The following GRID1 variants were observed in gnomAD, a reference collection of about 807,000 sequenced individuals.
The protein encoded by GRID1 is glutamate ionotropic receptor delta type subunit 1.
In GRID1, 28 loss-of-function variants were observed where a neutral mutation model predicts 98.0. The ratio of observed to expected loss-of-function variants is 0.29; its 90% CI spans 0.21 to 0.39. The LOEUF (loss-of-function observed/expected upper bound fraction) is 0.39. GRID1 is among the 10% of genes least tolerant of loss of function. The pLI is 1.00. For missense variants in GRID1, 1,111 were observed against 1,340.5 expected (o/e 0.83, Z 2.67); for synonymous variants, 553 against 538.5 (o/e 1.03, Z -0.37).
intron 13 of GRID1, among the ~76,000 whole-genome samples, chr10:85,644,781 C>A (rs1018170526): frequency 2.0e-5 from 3 of 152,158 alleles, no homozygotes; most frequent in East Asian, 3.8e-4. Flanking sequence ...CTGAGCACAC[C>A]CCCATCAGCA....
At chr10:85,736,115 A>T (rs1841880046) in intron 8 of GRID1, among the ~76,000 whole-genome samples, 1 of 135,024 alleles carries the variant, frequency 7.4e-6, no homozygotes, top group Non-Finnish European at 1.6e-5. Context: ...GGAAGGAACG[A>T]AGGAGGGAGG....
intron 12 of GRID1, among the ~76,000 whole-genome samples, chr10:85,651,365 C>T (rs893407896): frequency 1.3e-5 from 2 of 152,154 alleles, no homozygotes; most frequent in African/African-American, 2.4e-5. Context: ...ATGGGCAAGC[C>T]GCATGTCTAA....
intron 5 of GRID1, among the ~76,000 whole-genome samples, chr10:85,891,886 TATCCTCAATCA>T (rs943704647): frequency 9.9e-5 from 15 of 152,058 alleles, no homozygotes; most frequent in Non-Finnish European, 1.0e-4. Context: ...GATATGTCAA[TATCCTCAATCA>T]ATCCTCAATC....
At chr10:86,017,481 G>A (rs377233437) in intron 4 of GRID1, among the ~76,000 whole-genome samples, 51 of 152,294 alleles carry the variant, frequency 3.3e-4, no homozygotes, top group African/African-American at 1.1e-3. Context: ...ACAGAACTAC[G>A]CACCAGGCTG....
chr10:85,732,714 A>G (rs1250929325), intron 8 of GRID1, among the ~76,000 whole-genome samples: 2 of 152,156 alleles, frequency 1.3e-5, no homozygotes, highest in Non-Finnish European at 2.9e-5. Flanking sequence ...TACAACAAAT[A>G]AACTCAAATA....
At chr10:86,033,488 G>A (rs1385648283) in intron 4 of GRID1, among the ~76,000 whole-genome samples, 1 of 151,986 alleles carries the variant, frequency 6.6e-6, no homozygotes, top group Non-Finnish European at 1.5e-5. Context: ...GATAAGAAGT[G>A]GACTTCACTT....
chr10:85,875,147 G>A (rs1843316494), intron 5 of GRID1, among the ~76,000 whole-genome samples: 1 of 152,110 alleles, frequency 6.6e-6, no homozygotes, highest in Non-Finnish European at 1.5e-5. Flanking sequence ...CAAAGTGCTG[G>A]GATTACAGGT....
At chr10:85,722,981 G>T (rs969114431) in intron 12 of GRID1, 22 bp downstream of exon 12, 1 of 1,598,326 alleles carries the variant, frequency 6.3e-7, no homozygotes, top group South Asian at 1.1e-5. Flanking sequence ...GCTGGCTCCA[G>T]ATCAAGGAGG....
rs116508901 is a variant in GRID1, at chr10:85,643,171, A to G, written c.2193+4031T>C. ...ACTACCAAACACTCCCTGAAAATGG[A>G]GCTGAGTCATCAAGGAGCAACTGAA... On this transcript the variant is annotated intron_variant, in intron 13 of 15. Coordinates refer to ENST00000327946, the MANE Select transcript of GRID1 (RefSeq NM_017551.3). Among the ~76,000 whole-genome samples, 877 of 152,262 alleles carry G rather than the reference A, an allele frequency of 5.8e-3. 5 individuals are homozygous for G. Among genetic ancestry groups the G allele is most frequent in the African/African-American group, 0.02 (824 of 41,548 alleles).
Position 85,703,764 on chromosome 10 carries a change from A to G in GRID1, c.1997+19239T>C, listed in dbSNP as rs955339007. 3.2e-4 allele frequency among the ~76,000 whole-genome samples: 48 copies of G among 152,116 alleles called. 1 individual carries two copies. Among genetic ancestry groups the G allele is most frequent in the Non-Finnish European group, 2.9e-5 (2 of 67,984 alleles). On this transcript the variant is annotated intron_variant, in intron 12 of 15. Coordinates refer to ENST00000327946, the MANE Select transcript of GRID1 (RefSeq NM_017551.3). ...AATTTGAAATGCACAAGTGGACATG[A>G]GAAAAATAAAATCATATATTTATAT...
At chr10:85,865,946 C>A (rs11201817) in intron 6 of GRID1, among the ~76,000 whole-genome samples, 5 of 75,346 alleles carry the variant, frequency 6.6e-5, no homozygotes, top group South Asian at 5.4e-4. Flanking sequence ...TATATATACA[C>A]ATATATATGG....
chr10:86,174,973 A>AT (rs1193516034), intron 3 of GRID1, among the ~76,000 whole-genome samples: 4 of 152,164 alleles, frequency 2.6e-5, no homozygotes, highest in Non-Finnish European at 4.4e-5. Flanking sequence ...AATGGCAATC[A>AT]TTAAAAAGTC....
At chr10:86,247,197 G>C (rs992146116) in intron 2 of GRID1, among the ~76,000 whole-genome samples, 1 of 151,936 alleles carries the variant, frequency 6.6e-6, no homozygotes, top group Admixed American at 6.6e-5. Flanking sequence ...GAGTGGATGG[G>C]TGGGTAGATG....
At chr10:85,905,068 C>T (rs973304185) in intron 5 of GRID1, among the ~76,000 whole-genome samples, 2 of 151,474 alleles carry the variant, frequency 1.3e-5, no homozygotes, top group African/African-American at 4.9e-5. Context: ...GAAAACCATG[C>T]CAAGGTACAT....
At position 85,907,124 on chromosome 10, in the gene GRID1, G is replaced by GT. The variant is rs1442081268; in HGVS notation, c.780+9061dup. ...TAAGTTTTTTTGTTTGTTTTGTTTT[G>GT]TTTTTTTGAGACAGTCTCACTCTGT... On this transcript the variant is annotated intron_variant, in intron 5 of 15. Coordinates refer to ENST00000327946, the MANE Select transcript of GRID1 (RefSeq NM_017551.3). Among the ~76,000 whole-genome samples, 11 of 152,110 alleles carry GT rather than the reference G, an allele frequency of 7.2e-5. No individual in the cohort carries two copies. The South Asian group carries it at 1.5e-3, about 20-fold the overall frequency.
Position 85,856,105 on chromosome 10 carries a change from A to ACGC in GRID1, c.1036_1037insGCG (p.Met346delinsSerVal). The ACGC allele has an allele frequency of 1.9e-6, 3 of 1,614,154 alleles. No individual in the cohort carries two copies. The highest frequency in any genetic ancestry group is 2.5e-6 in the Non-Finnish European group (3 of 1,179,976). ...TTTCCGTATGCAGTTGAGGCTCGCC[A>ACGC]TGCTATGCCACTTCCGGTCCTCCAG... is the stretch of plus-strand genomic sequence containing the variant. On this transcript the variant is annotated protein_altering_variant, in exon 7 of 16. Coordinates refer to ENST00000327946, the MANE Select transcript of GRID1 (RefSeq NM_017551.3).
At chr10:86,223,638 C>G (rs932706494) in intron 2 of GRID1, among the ~76,000 whole-genome samples, 9 of 152,250 alleles carry the variant, frequency 5.9e-5, no homozygotes, top group African/African-American at 2.2e-4. Context: ...CTGTCTCCAA[C>G]AAGGGCAGCT....
intron 2 of GRID1, among the ~76,000 whole-genome samples, chr10:86,244,379 C>T (rs11593282): frequency 0.13 from 19,207 of 152,230 alleles, 1,251 homozygotes; most frequent in Middle Eastern, 0.23. Context: ...CCCAGGCAGG[C>T]GCCAGAACAG....
rs528997595 is a variant in GRID1, at chr10:86,012,790, T to C, written c.727-96551A>G. On this transcript the variant is annotated intron_variant, in intron 4 of 15. Transcript: ENST00000327946. ...CTTCTATGAACCAAGAAGTAGGCCC[T>C]CAGCAGACGCTGAATCTGCTGGGAC... is the stretch of plus-strand genomic sequence containing the variant. Among the ~76,000 whole-genome samples the C allele has an allele frequency of 5.3e-5, 8 of 152,324 alleles. No homozygotes were observed. The East Asian group carries it at 1.5e-3, about 29-fold the overall frequency.
Sources: gnomAD v4.1 joint callset for allele counts (sites outside exome capture counted in the v4.1 genomes callset) on GRCh38, gnomAD v4.1.1 for gene constraint, MANE v1.5 for transcripts, NCBI Gene and HGNC (gene_info 2026-07-23, HGNC 2026-07-21) for gene names.